The following MMS22L variants were observed in gnomAD, a reference collection of about 807,000 sequenced individuals.
MMS22L encodes the protein protein MMS22-like.
In MMS22L, 74 loss-of-function variants were observed where a neutral mutation model predicts 159.1. The observed-to-expected ratio is 0.47, with a 90% CI of 0.39 to 0.56. MMS22L has a LOEUF of 0.56. MMS22L is among the 20% of genes least tolerant of loss of function. The pLI, the probability that MMS22L is intolerant of heterozygous loss-of-function variation, is 0.00. For missense variants in MMS22L, 1,351 were observed against 1,422.1 expected, an observed-to-expected ratio of 0.95 and a Z score of 0.80; for synonymous variants, 517 against 506.9, an observed-to-expected ratio of 1.02 and a Z score of -0.27.
chr6:97,230,262 A>AT (rs754272802), intron 13 of MMS22L: 5,817 of 104,596 alleles, frequency 0.056, 418 homozygotes, highest in African/African-American at 0.16. Context: ...ACGCTTGGCT[A>AT]TTTTTTTTTT....
At chr6:97,197,195 A>G (rs983266368) in intron 14 of MMS22L, among the ~76,000 whole-genome samples, 5 of 152,194 alleles carry the variant, frequency 3.3e-5, no homozygotes, top group African/African-American at 1.2e-4. Context: ...AACTATAAGG[A>G]ACTACAGACG....
In MMS22L at chr6:97,143,488, A is replaced by G. The variant is rs1800733884; in HGVS notation, c.*3318T>C. On this transcript the variant is annotated 3_prime_UTR_variant, in exon 25 of 25. Coordinates refer to ENST00000683635, the MANE Select transcript of MMS22L (RefSeq NM_001350599.2). ...GGAAGTCCTCGAGCAGAAAAGTAAC[A>G]AGAGGAAAACAGTATTTTAGGAATA... The G allele has an allele frequency of 6.6e-6, 1 of 152,258 alleles. No homozygotes were observed. The highest frequency in any genetic ancestry group is 1.5e-5 in the Non-Finnish European group (1 of 68,062). 9.4% of individuals were successfully genotyped at this position (152,258 alleles called of 1,614,324 possible).
chr6:97,234,054 T>C, intron 11 of MMS22L, 74 bp from the exon 12 acceptor site: 1 of 1,516,076 alleles, frequency 6.6e-7, no homozygotes, highest in Non-Finnish European at 8.9e-7. Context: ...GATATTGTGC[T>C]GTATATAACC....
At chr6:97,213,352 G>A (rs1808604232) in intron 14 of MMS22L, among the ~76,000 whole-genome samples, 1 of 152,120 alleles carries the variant, frequency 6.6e-6, no homozygotes, top group Non-Finnish European at 1.5e-5. Flanking sequence ...GCTGTGGTGA[G>A]CCAAGATCAC....
chr6:97,209,573 T>C (rs926299975), intron 14 of MMS22L, among the ~76,000 whole-genome samples: 6 of 151,964 alleles, frequency 3.9e-5, no homozygotes, highest in Non-Finnish European at 7.4e-5. Context: ...CAAAAGATAA[T>C]GAGAACTCAA....
intron 10 of MMS22L, 134 bp downstream of exon 10, chr6:97,254,423 C>A: frequency 1.6e-6 from 1 of 637,874 alleles, no homozygotes; most frequent in South Asian, 2.2e-5. Context: ...TTTACAGAAA[C>A]ATTATACATA....
intron 18 of MMS22L, among the ~76,000 whole-genome samples, chr6:97,175,982 C>A (rs1804074891): frequency 6.6e-6 from 1 of 152,170 alleles, no homozygotes; most frequent in Non-Finnish European, 1.5e-5. Flanking sequence ...TTCATTTAGG[C>A]AACCACATTG....
intron 11 of MMS22L, 105 bp from the exon 12 acceptor site, chr6:97,234,085 A>G: frequency 7.9e-7 from 1 of 1,262,100 alleles, no homozygotes; most frequent in East Asian, 2.5e-5. Context: ...AAGAAAATAA[A>G]TATGTGTCAC....
chr6:97,159,251 C>T (rs1451498733), intron 22 of MMS22L, among the ~76,000 whole-genome samples: 2 of 151,626 alleles, frequency 1.3e-5, no homozygotes, highest in African/African-American at 2.4e-5. Flanking sequence ...GACTCTTTAT[C>T]CAATTTGCCA....
Position 97,282,321 on chromosome 6 carries a change from G to A in MMS22L, c.157C>T (p.Leu53Phe). 6.2e-7 allele frequency: 1 copy of A among 1,613,954 alleles called. No homozygotes were observed. Among genetic ancestry groups the A allele is most frequent in the Non-Finnish European group, 8.5e-7 (1 of 1,179,938 alleles). The change falls in exon 2 of 25, where the codon CTT (leucine) becomes TTT (phenylalanine). Residue 53 changes from leucine (L) to phenylalanine (F), a missense_variant. Physicochemically the swap from Leu to Phe is conservative, Grantham distance 22. Transcript: ENST00000683635. The part of the protein sequence containing the change: ...SGESYLCSGA[L>F]KRLILNLDPL... ...TCTCTGAGTTTTACCTACCGCTTAA[G>A]GGCTCCGCTGCAGAGGTAGGATTCT... is the stretch of plus-strand genomic sequence containing the variant.
At chr6:97,244,581 A>G (rs918825905) in intron 11 of MMS22L, among the ~76,000 whole-genome samples, 7 of 152,184 alleles carry the variant, frequency 4.6e-5, no homozygotes, top group African/African-American at 1.7e-4. Context: ...TGAAAAGACT[A>G]GACTGGCTTA....
intron 9 of MMS22L, among the ~76,000 whole-genome samples, chr6:97,255,039 C>G (rs2128058593): frequency 6.6e-6 from 1 of 151,942 alleles, no homozygotes; most frequent in South Asian, 2.1e-4. Context: ...TATTGTGTGG[C>G]TTCATCTGTA....
At chr6:97,242,124 G>C (rs1333229108) in intron 11 of MMS22L, among the ~76,000 whole-genome samples, 1 of 152,120 alleles carries the variant, frequency 6.6e-6, no homozygotes, top group Admixed American at 6.6e-5. Flanking sequence ...ATTTGTTCTA[G>C]GGTATAGTTT....
intron 14 of MMS22L, among the ~76,000 whole-genome samples, chr6:97,190,606 A>G (rs1424037173): frequency 1.3e-5 from 2 of 152,350 alleles, no homozygotes; most frequent in South Asian, 4.1e-4. Flanking sequence ...ATTTACTATG[A>G]GACCAGCACC....
chr6:97,195,013 T>C (rs1040224229), intron 14 of MMS22L, among the ~76,000 whole-genome samples: 1 of 152,204 alleles, frequency 6.6e-6, no homozygotes, highest in Non-Finnish European at 1.5e-5. Flanking sequence ...CCTGAACTTG[T>C]GGTGAGCTTT....
intron 14 of MMS22L, among the ~76,000 whole-genome samples, chr6:97,218,799 T>C (rs1809304320): frequency 6.6e-6 from 1 of 152,156 alleles, no homozygotes; most frequent in African/African-American, 2.4e-5. Flanking sequence ...TGACTCATAG[T>C]TCCCCATGGC....
chr6:97,276,292 T>A (rs1274188790), intron 4 of MMS22L, among the ~76,000 whole-genome samples: 1 of 152,162 alleles, frequency 6.6e-6, no homozygotes, highest in Non-Finnish European at 1.5e-5. Flanking sequence ...AAAAGCTTTT[T>A]TAAGCAACAA....
chr6:97,211,988 T>C (rs1808429854), intron 14 of MMS22L, among the ~76,000 whole-genome samples: 1 of 152,230 alleles, frequency 6.6e-6, no homozygotes, highest in Non-Finnish European at 1.5e-5. Context: ...TGCCACATAA[T>C]CTAATCACAT....
intron 18 of MMS22L, among the ~76,000 whole-genome samples, chr6:97,173,499 G>GA (rs962747313): frequency 5.3e-5 from 8 of 150,046 alleles, no homozygotes; most frequent in South Asian, 4.2e-4. Context: ...AAATATCAGT[G>GA]AAAAAAAAAT....
Sources: allele counts gnomAD v4.1 joint callset (sites outside exome capture counted in the v4.1 genomes callset), GRCh38; gene constraint gnomAD v4.1.1; transcripts MANE v1.5; gene names NCBI Gene and HGNC (gene_info 2026-07-23, HGNC 2026-07-21).